Variants in RBMS1 observed in about 807,000 individuals in gnomAD.
The protein encoded by RBMS1 is RNA binding motif single stranded interacting protein 1.
A neutral mutation model predicts 62.3 loss-of-function variants in RBMS1; 17 were observed. The ratio of observed to expected loss-of-function variants is 0.27; its 90% CI spans 0.19 to 0.41. RBMS1 has a LOEUF of 0.41. Ranked by LOEUF, RBMS1 falls within the 10% of genes least tolerant of loss-of-function variation. The pLI is 1.00. For missense variants in RBMS1, 334 were observed against 504.5 expected, an observed-to-expected ratio of 0.66 and a Z score of 3.24; for synonymous variants, 172 against 170.0, an observed-to-expected ratio of 1.01 and a Z score of -0.09.
rs1164014041 is a variant in RBMS1 at position 160,493,565 on chromosome 2, C to T, written c.-202G>A. 4.9e-6 allele frequency: 3 copies of T among 615,244 alleles called. No homozygotes were observed. The highest frequency in any genetic ancestry group is 8.6e-6 in the Non-Finnish European group (3 of 349,084). 38.1% of individuals were successfully genotyped at this position (615,244 alleles called of 1,614,324 possible). A position where few individuals can be genotyped will look rare whatever the true frequency, so the allele number is the denominator to read the frequency against. On this transcript the variant is annotated 5_prime_UTR_variant, in exon 1 of 14. Transcript: ENST00000348849. ...TCTTCCTCCTCCTCCTCCTCCTCCT[C>T]CTCCTCTTCCTCCTCCTCCTCCTCC... is the stretch of plus-strand genomic sequence containing the variant.
chr2:160,367,516 C>T (rs1693475337), intron 1 of RBMS1, 125 bp from the exon 2 acceptor site: 2 of 1,453,148 alleles, frequency 1.4e-6, no homozygotes, highest in East Asian at 2.4e-5. Context: ...TTTTAATTTA[C>T]ACTTTAAAAA....
At chr2:160,295,934 A>T (rs1688912993) in intron 6 of RBMS1, among the ~76,000 whole-genome samples, 1 of 152,256 alleles carries the variant, frequency 6.6e-6, no homozygotes. Context: ...GAATGAGTTA[A>T]AAAAGCAAAG....
At chr2:160,445,241 T>C (rs890234260) in intron 1 of RBMS1, among the ~76,000 whole-genome samples, 1 of 152,242 alleles carries the variant, frequency 6.6e-6, no homozygotes, top group Admixed American at 6.5e-5. Flanking sequence ...CATCAATACA[T>C]GCAGGTTAAG....
intron 1 of RBMS1, among the ~76,000 whole-genome samples, chr2:160,476,618 G>T (rs1244677768): frequency 6.9e-6 from 1 of 145,478 alleles, no homozygotes. Context: ...GCAGTGGCGG[G>T]ATCTCGGCTC....
rs557442540 is a variant in RBMS1, at chr2:160,456,003, G to T, written c.75+37286C>A. Among the ~76,000 whole-genome samples the T allele has an allele frequency of 2.6e-5, 4 of 152,256 alleles. No homozygotes were observed. The East Asian group carries it at 7.7e-4, about 29-fold the overall frequency. ...CGGCCCATTCCCAAGCTTTTTATGGGCAGTGATTTATCCATGATAAAAGCA... is the reference window on the plus strand; with the variant it reads ...CGGCCCATTCCCAAGCTTTTTATGGTCAGTGATTTATCCATGATAAAAGCA... On this transcript the variant is annotated intron_variant, in intron 1 of 13. Coordinates refer to ENST00000348849, the MANE Select transcript of RBMS1 (RefSeq NM_016836.4).
rs1693313323 is a variant in RBMS1, at chr2:160,364,854, C to A, written c.251+2362G>T. Among the ~76,000 whole-genome samples the A allele has an allele frequency of 2.0e-5, 3 of 152,126 alleles. No individual in the cohort carries two copies. The South Asian group carries it at 6.2e-4, about 31-fold the overall frequency. ...CCCTGCAGAGCCAAATCATTTGTTT[C>A]CTTCGTTACCCCCCTAATTCAGCCT... On this transcript the variant is annotated intron_variant, in intron 2 of 13. Transcript: ENST00000348849.
chr2:160,298,216 C>A (rs1045500191), intron 6 of RBMS1, among the ~76,000 whole-genome samples: 13 of 152,052 alleles, frequency 8.5e-5, no homozygotes, highest in African/African-American at 2.9e-4. Context: ...GGAGTCCAGT[C>A]CTGGGTTTCT....
At chr2:160,421,297 C>G (rs1696414622) in intron 1 of RBMS1, among the ~76,000 whole-genome samples, 1 of 151,878 alleles carries the variant, frequency 6.6e-6, no homozygotes, top group Non-Finnish European at 1.5e-5. Flanking sequence ...TCCCTCCCCC[C>G]TTCCCCCACC....
chr2:160,462,604 T>C (rs377352537), intron 1 of RBMS1, among the ~76,000 whole-genome samples: 18 of 152,210 alleles, frequency 1.2e-4, no homozygotes, highest in African/African-American at 4.3e-4. Context: ...ATATTAGCCA[T>C]AGTCATTTCT....
intron 2 of RBMS1, among the ~76,000 whole-genome samples, chr2:160,348,476 A>G (rs991452174): frequency 2.0e-5 from 3 of 152,146 alleles, no homozygotes; most frequent in Non-Finnish European, 4.4e-5. Flanking sequence ...CTAGAAGGCA[A>G]AGGTAAAAAA....
At chr2:160,318,643 A>G (rs928572510) in intron 2 of RBMS1, among the ~76,000 whole-genome samples, 7 of 152,238 alleles carry the variant, frequency 4.6e-5, no homozygotes, top group African/African-American at 1.7e-4. Flanking sequence ...CTTTTATGAA[A>G]TAGTAACAGC....
chr2:160,332,145 A>G (rs984538688), intron 2 of RBMS1, among the ~76,000 whole-genome samples: 14 of 152,178 alleles, frequency 9.2e-5, no homozygotes, highest in African/African-American at 3.1e-4. Context: ...CTAAAAATCT[A>G]GGAAACTACT....
chr2:160,436,252 G>A (rs1348467044), intron 1 of RBMS1, among the ~76,000 whole-genome samples: 1 of 152,196 alleles, frequency 6.6e-6, no homozygotes, highest in Admixed American at 6.5e-5. Flanking sequence ...GCTCCTGGCA[G>A]CTTATTCCTC....
intron 1 of RBMS1, among the ~76,000 whole-genome samples, chr2:160,387,520 C>T (rs1457599445): frequency 1.3e-5 from 2 of 152,084 alleles, no homozygotes; most frequent in Non-Finnish European, 2.9e-5. Context: ...TGACCAGTTT[C>T]AGGGGAGGAA....
intron 1 of RBMS1, among the ~76,000 whole-genome samples, chr2:160,439,540 G>A (rs949048488): frequency 8.6e-5 from 13 of 151,590 alleles, no homozygotes; most frequent in South Asian, 4.2e-4. Context: ...ATGGGATGGC[G>A]GCCGGGCAGA....
At chr2:160,439,216 G>A (rs1387520766) in intron 1 of RBMS1, among the ~76,000 whole-genome samples, 5 of 151,860 alleles carry the variant, frequency 3.3e-5, no homozygotes, top group Non-Finnish European at 4.4e-5. Flanking sequence ...CTCCCTCTCG[G>A]ACGAGGTGGC....
intron 10 of RBMS1, chr2:160,279,244 C>A (rs1206006528): frequency 6.6e-6 from 1 of 152,010 alleles, no homozygotes; most frequent in Non-Finnish European, 1.5e-5. Flanking sequence ...CATTTTGGTG[C>A]CTGGGAGGGA....
chr2:160,438,802 G>C (rs1163027899), intron 1 of RBMS1, among the ~76,000 whole-genome samples: 1 of 152,106 alleles, frequency 6.6e-6, no homozygotes, highest in African/African-American at 2.4e-5. Context: ...GTGGTGGCCG[G>C]GCAGAGGGGC....
intron 1 of RBMS1, among the ~76,000 whole-genome samples, chr2:160,403,614 C>T (rs1695544868): frequency 6.6e-6 from 1 of 152,174 alleles, no homozygotes; most frequent in Admixed American, 6.5e-5. Context: ...CAAAAGTTAG[C>T]AACATTTAAC....
Sources: allele counts gnomAD v4.1 joint callset (sites outside exome capture counted in the v4.1 genomes callset), GRCh38; gene constraint gnomAD v4.1.1; transcripts MANE v1.5; gene names NCBI Gene and HGNC (gene_info 2026-07-23, HGNC 2026-07-21).